PCDHGA5: variants seen among roughly 807,000 people sequenced by gnomAD.
The protein encoded by PCDHGA5 is protocadherin gamma subfamily A, 5, also known as protocadherin gamma-A5.
Under a neutral mutation model 56.7 loss-of-function variants are expected in PCDHGA5, and 36 were observed. That is an observed-to-expected ratio of 0.64 (90% CI 0.49 to 0.84). The LOEUF is 0.84. Ranked by LOEUF, PCDHGA5 falls within the 40% of genes least tolerant of loss-of-function variation. The pLI is 0.00. For synonymous variants in PCDHGA5, 563 were observed against 520.2 expected, an observed-to-expected ratio of 1.08 and a Z score of -1.12; for missense variants, 1,305 against 1,201.5, an observed-to-expected ratio of 1.09 and a Z score of -1.27.
intron 2 of PCDHGA5, among the ~76,000 whole-genome samples, chr5:141,500,431 G>A (rs1340129330): frequency 6.6e-6 from 1 of 151,476 alleles, no homozygotes; most frequent in Non-Finnish European, 1.5e-5. Flanking sequence ...GGATGGTCTC[G>A]ATCTCCTGAC....
chr5:141,481,260 A>C (rs2099534771), intron 1 of PCDHGA5, among the ~76,000 whole-genome samples: 1 of 152,166 alleles, frequency 6.6e-6, no homozygotes, highest in Non-Finnish European at 1.5e-5. Context: ...CTAAAAGATC[A>C]CTGTAGGAAG....
Position 141,431,500 on chromosome 5 carries a change from C to T in PCDHGA5, c.2422-63307C>T, listed in dbSNP as rs903027252. On this transcript the variant is annotated intron_variant, in intron 1 of 3. Transcript: ENST00000518069. This position sits in a 1 kb window ranked among gnomAD's most constrained non-coding sequence, Gnocchi z 4.8. ...CACCAGCGTTTGCTCAGCCCGAGTACCGCGCGAGCGTTCCGGAGAATCTGG... is the reference window on the plus strand; with the variant it reads ...CACCAGCGTTTGCTCAGCCCGAGTATCGCGCGAGCGTTCCGGAGAATCTGG... The T allele has an allele frequency of 4.4e-5, 71 of 1,613,894 alleles. No individual in the cohort carries two copies. The highest frequency in any genetic ancestry group is 5.9e-5 in the Non-Finnish European group (70 of 1,180,050).
At chr5:141,495,286 A>T (rs1341490472) in intron 2 of PCDHGA5, among the ~76,000 whole-genome samples, 2 of 152,088 alleles carry the variant, frequency 1.3e-5, no homozygotes, top group Non-Finnish European at 2.9e-5. Context: ...GGCGGTCCGC[A>T]CTCAGCGCCT....
intron 1 of PCDHGA5, chr5:141,410,555 C>G: frequency 1.2e-6 from 2 of 1,613,202 alleles, no homozygotes; most frequent in Non-Finnish European, 1.7e-6. Flanking sequence ...CAGTGTTTCT[C>G]CTGGAGCCTT....
intron 1 of PCDHGA5, among the ~76,000 whole-genome samples, chr5:141,458,664 G>A (rs544369246): frequency 6.6e-6 from 1 of 152,196 alleles, no homozygotes; most frequent in African/African-American, 2.4e-5. Context: ...CCACCTCTCG[G>A]GTTCAAGCAA....
At chr5:141,417,703 C>A in intron 1 of PCDHGA5, 1 of 1,205,130 alleles carries the variant, frequency 8.3e-7, no homozygotes, top group Non-Finnish European at 1.1e-6. Context: ...AGCTCCCACA[C>A]AGAGGCTCCC....
chr5:141,370,747 A>T (rs780618979), intron 1 of PCDHGA5: 2 of 1,613,952 alleles, frequency 1.2e-6, no homozygotes, highest in Non-Finnish European at 1.7e-6. Flanking sequence ...AACTTTTTTC[A>T]TGTAACTGTG....
chr5:141,465,688 G>C (rs1386213425), intron 1 of PCDHGA5, among the ~76,000 whole-genome samples: 1 of 152,086 alleles, frequency 6.6e-6, no homozygotes, highest in African/African-American at 2.4e-5. Context: ...TGACCAGTCT[G>C]CTTTTGCATT....
At chr5:141,403,579 C>T in intron 1 of PCDHGA5, 2 of 1,613,926 alleles carry the variant, frequency 1.2e-6, no homozygotes, top group South Asian at 1.1e-5. Flanking sequence ...CTGCCCACCA[C>T]CTGGTCCTCA....
At chr5:141,462,833 A>G (rs1488609568) in intron 1 of PCDHGA5, among the ~76,000 whole-genome samples, 1 of 152,082 alleles carries the variant, frequency 6.6e-6, no homozygotes, top group Non-Finnish European at 1.5e-5. Flanking sequence ...GACATTGTAA[A>G]TGTTATATTT....
chr5:141,367,367 T>G (rs947999999), intron 1 of PCDHGA5: 3 of 151,876 alleles, frequency 2.0e-5, no homozygotes, highest in African/African-American at 7.3e-5. Flanking sequence ...TGAAACCCTG[T>G]TCTACTAAAA....
At chr5:141,427,957 C>A in intron 1 of PCDHGA5, 2 of 1,588,400 alleles carry the variant, frequency 1.3e-6, no homozygotes, top group Non-Finnish European at 1.7e-6. Flanking sequence ...GACAATGTGC[C>A]GCGGGTGCTG....
chr5:141,431,435 GC>G lies in PCDHGA5; in HGVS notation c.2422-63371del. On this transcript the variant is annotated intron_variant, in intron 1 of 3. Coordinates refer to ENST00000518069, the MANE Select transcript of PCDHGA5 (RefSeq NM_018918.3). The surrounding 1 kb of genome is among the most constrained non-coding windows in gnomAD (Gnocchi z 4.8). The stretch of plus-strand genomic sequence containing the variant: ...GGGCGACCCGGTGCGCACAGGCACC[GC>G]GCGCATCCGCGTGATGGTTCTGGAT... 1.9e-6 allele frequency: 3 copies of G among 1,613,668 alleles called. No individual in the cohort carries two copies. The highest frequency in any genetic ancestry group is 2.5e-6 in the Non-Finnish European group (3 of 1,180,026).
At chr5:141,390,223 G>T (rs137959577) in intron 1 of PCDHGA5, 3 of 1,614,020 alleles carry the variant, frequency 1.9e-6, no homozygotes, top group East Asian at 2.2e-5. Context: ...ATACTTTGCG[G>T]TGATTCATCT....
At chr5:141,470,734 G>C (rs970003510) in intron 1 of PCDHGA5, among the ~76,000 whole-genome samples, 1 of 152,128 alleles carries the variant, frequency 6.6e-6, no homozygotes, top group South Asian at 2.1e-4. Context: ...GTCTTGCTCT[G>C]TCGCCCTGGC....
In PCDHGA5 at chr5:141,364,672, GAAA is replaced by G. The variant is rs1433905391; in HGVS notation, c.344_346del (p.Lys115del). On this transcript the variant is annotated inframe_deletion, in exon 1 of 4. Coordinates refer to ENST00000518069, the MANE Select transcript of PCDHGA5 (RefSeq NM_018918.3). ...TTAACATCTTGGTTGAGAACAAAAT[GAAA>G]ATTTATGGAGTAGAAGTAGAAATAA... 6 of 1,613,908 alleles carry G rather than the reference GAAA, an allele frequency of 3.7e-6. No individual in the cohort carries two copies. In the African/African-American group the frequency reaches 6.7e-5, roughly 18 times the overall value.
intron 1 of PCDHGA5, chr5:141,375,303 A>T: frequency 3.1e-6 from 5 of 1,613,850 alleles, no homozygotes; most frequent in Non-Finnish European, 4.2e-6. Context: ...TTAGTGACAA[A>T]TGCAGCTCTA....
At chr5:141,403,003 C>T in intron 1 of PCDHGA5, 3 of 1,613,970 alleles carry the variant, frequency 1.9e-6, no homozygotes, top group South Asian at 1.1e-5. Flanking sequence ...TCCTGCTATG[C>T]TCGCTCCTGG....
rs764843194 is a variant in PCDHGA5 at position 141,490,530 on chromosome 5, T to A, written c.2422-4277T>A. 1.2e-6 allele frequency: 2 copies of A among 1,613,794 alleles called. No individual in the cohort carries two copies. Among genetic ancestry groups the A allele is most frequent in the African/African-American group, 2.7e-5 (2 of 74,846 alleles). ...TCGAGCTGCTGGCCAGCGATGCTGG[T>A]TCACCTTCCCTACACAAACATCTCA... On this transcript the variant is annotated intron_variant, in intron 1 of 3. Coordinates refer to ENST00000518069, the MANE Select transcript of PCDHGA5 (RefSeq NM_018918.3). This position sits in a 1 kb window ranked among gnomAD's most constrained non-coding sequence, Gnocchi z 5.4.
Sources: allele counts gnomAD v4.1 joint callset (sites outside exome capture counted in the v4.1 genomes callset), GRCh38; gene constraint gnomAD v4.1.1; non-coding constraint Gnocchi (gnomAD v3.1); transcripts MANE v1.5; gene names NCBI Gene and HGNC (gene_info 2026-07-23, HGNC 2026-07-21).